The following ST8SIA3 variants were observed in gnomAD, a reference collection of about 807,000 sequenced individuals.
The protein encoded by ST8SIA3 is ST8 alpha-N-acetyl-neuraminide alpha-2,8-sialyltransferase 3, also known as alpha-N-acetylneuraminate alpha-2,8-sialyltransferase ST8SIA3.
ST8SIA3 carries 17 observed loss-of-function variants against 34.5 expected under a neutral mutation model. The observed-to-expected ratio is 0.49, with a 90% CI of 0.34 to 0.74. ST8SIA3 has a LOEUF of 0.74. ST8SIA3 is among the 30% of genes least tolerant of loss of function. The pLI, the probability that ST8SIA3 is intolerant of heterozygous loss-of-function variation, is 0.01. For synonymous variants in ST8SIA3, 172 were observed against 176.1 expected, an observed-to-expected ratio of 0.98 and a Z score of 0.19; for missense variants, 354 against 467.8, an observed-to-expected ratio of 0.76 and a Z score of 2.24.
chr18:57,354,470 T>G lies in ST8SIA3; in HGVS notation c.248T>G (p.Leu83Arg). ...VPITNSLTQE[L>R]QEKPSKWKFN... is the part of the protein sequence containing the mutation. ...ATTACGAATTCTCTCACCCAGGAAC[T>G]CCAAGAGAAACCTTCTAAGTGGAAA... Residue 83 changes from leucine to arginine, a missense_variant, in exon 2 of 4, where the codon CTC becomes CGC. By Grantham distance (102) the Leu-to-Arg change is moderately radical (BLOSUM62 -2). This residue lies in a region of ST8SIA3 where 184 missense variants were observed against 205.4 expected (regional missense o/e 0.90). Transcript: ENST00000324000. The G allele has an allele frequency of 6.2e-7, 1 of 1,614,156 alleles. No individual in the cohort carries two copies. The highest frequency in any genetic ancestry group is 8.5e-7 in the Non-Finnish European group (1 of 1,180,028).
chr18:57,364,511 T>C lies in ST8SIA3; in HGVS notation c.*4234T>C, dbSNP rs977407377. 6.6e-6 allele frequency: 1 copy of C among 152,192 alleles called. No homozygotes were observed. Among genetic ancestry groups the C allele is most frequent in the Non-Finnish European group, 1.5e-5 (1 of 68,034 alleles). 9.4% of individuals were successfully genotyped at this position (152,192 alleles called of 1,614,324 possible). On this transcript the variant is annotated 3_prime_UTR_variant, in exon 4 of 4. Coordinates refer to ENST00000324000, the MANE Select transcript of ST8SIA3 (RefSeq NM_015879.3). ...GTATAATTCTAGATTCTTAAAACCT[T>C]TTTTCCCATAATTGTTTGAATGCAC...
chr18:57,353,120 C>T lies in ST8SIA3; in HGVS notation c.179+95C>T. Reference sequence around the variant, plus strand: ...TGGGGGAGGGGTGTTTTGGCCTCTCCGAGACTCTTTGGGCCAGATAACTGC... The same window carrying T: ...TGGGGGAGGGGTGTTTTGGCCTCTCTGAGACTCTTTGGGCCAGATAACTGC... On this transcript the variant is annotated intron_variant, in intron 1 of 3. Coordinates refer to ENST00000324000, the MANE Select transcript of ST8SIA3 (RefSeq NM_015879.3). 3.8e-6 allele frequency: 5 copies of T among 1,308,238 alleles called. No individual in the cohort carries two copies. The South Asian group carries it at 5.3e-5, about 14-fold the overall frequency. The allele number at this position is 1,308,238 out of a possible 1,614,324, so 81.0% of individuals were successfully genotyped here.
rs1213763934 is a variant in ST8SIA3, at chr18:57,363,709, G to A, written c.*3432G>A. On this transcript the variant is annotated 3_prime_UTR_variant, in exon 4 of 4. Transcript: ENST00000324000. ...AGGCACTAATTATTAGACACTCTCA[G>A]ACAACAAAGCGGTATTGACCTGAGA... The A allele has an allele frequency of 6.6e-6, 1 of 152,234 alleles. No individual in the cohort carries two copies. The highest frequency in any genetic ancestry group is 2.4e-5 in the African/African-American group (1 of 41,464). 9.4% of individuals were successfully genotyped at this position (152,234 alleles called of 1,614,324 possible).
Position 57,357,423 on chromosome 18 carries a change from A to G in ST8SIA3, c.813A>G (p.Leu271=). 6.2e-7 allele frequency: 1 copy of G among 1,612,906 alleles called. No individual in the cohort carries two copies. The highest frequency in any genetic ancestry group is 8.5e-7 in the Non-Finnish European group (1 of 1,179,908). Residue 271 remains leucine (L), a synonymous_variant, in exon 3 of 4, where the codon TTA becomes TTG. Transcript: ENST00000324000. ...VDFFVEHRGQ[L]KVQLAWPGNI... is the part of the protein sequence containing the mutation. ...TTTTTGTTGAACACAGAGGTCAGTT[A>G]AAAGTCCAACTGGCTTGGCCGGGAA...
At chr18:57,358,923 A>G (rs1217264441) in intron 3 of ST8SIA3, among the ~76,000 whole-genome samples, 1 of 152,238 alleles carries the variant, frequency 6.6e-6, no homozygotes, top group Non-Finnish European at 1.5e-5. Flanking sequence ...AGACAGGAAT[A>G]GTAAAACCAA....
Position 57,357,246 on chromosome 18 carries a change from C to A in ST8SIA3, c.636C>A (p.Pro212=), listed in dbSNP as rs1394871778. ...AAACCAATCTTACCACCTTCAACCCCAGCATCCTGGAAAAATATTACAACA... is the reference window on the plus strand; with the variant it reads ...AAACCAATCTTACCACCTTCAACCCAAGCATCCTGGAAAAATATTACAACA... ...GRKTNLTTFN[P]SILEKYYNNL... Residue 212 remains proline (P), a synonymous_variant, in exon 3 of 4, where the codon CCC becomes CCA. Transcript: ENST00000324000. 6.2e-7 allele frequency: 1 copy of A among 1,614,156 alleles called. No individual in the cohort carries two copies. The highest frequency in any genetic ancestry group is 1.7e-5 in the Admixed American group (1 of 60,026).
rs59006823 is a variant in ST8SIA3 at position 57,352,732 on chromosome 18, TCACACACACACACACACACACACA to T, written c.-100_-77del. The T allele has an allele frequency of 1.8e-5, 7 of 390,484 alleles. No homozygotes were observed. Among genetic ancestry groups the T allele is most frequent in the African/African-American group, 1.3e-4 (5 of 38,440 alleles). The allele number at this position is 390,484 out of a possible 1,614,324, so 24.2% of individuals were successfully genotyped here. ...CCTCCTCCGCCACACGCGCGCGCGCTCACACACACACACACACACACACACACACACACACACATATATACACGC... is the reference window on the plus strand; with the variant it reads ...CCTCCTCCGCCACACGCGCGCGCGCTCACACACACACACATATATACACGC... On this transcript the variant is annotated 5_prime_UTR_variant, in exon 1 of 4. Transcript: ENST00000324000.
chr18:57,365,209 A>G lies in ST8SIA3; in HGVS notation c.*4932A>G, dbSNP rs2144212375. 6.6e-6 allele frequency: 1 copy of G among 152,324 alleles called. No homozygotes were observed. The highest frequency in any genetic ancestry group is 2.4e-5 in the African/African-American group (1 of 41,560). The allele number at this position is 152,324 out of a possible 1,614,324, so 9.4% of individuals were successfully genotyped here. On this transcript the variant is annotated 3_prime_UTR_variant, in exon 4 of 4. Transcript: ENST00000324000. ...TGACCACCATTTGGAAACCAGTAAT[A>G]TATACATCCGGAGTCATATATACCA...
rs2144214264 is a variant in ST8SIA3 at position 57,366,608 on chromosome 18, G to A, written c.*6331G>A. ...GAGCAGGGGAAGAACAAGGCACCCA[G>A]TAAGCTCACTTGGCTCTACATATCT... is the stretch of plus-strand genomic sequence containing the variant. On this transcript the variant is annotated 3_prime_UTR_variant, in exon 4 of 4. Transcript: ENST00000324000. 1 of 152,336 alleles carries A rather than the reference G, an allele frequency of 6.6e-6. No homozygotes were observed. The highest frequency in any genetic ancestry group is 2.4e-5 in the African/African-American group (1 of 41,574). The allele number at this position is 152,336 out of a possible 1,614,324, so 9.4% of individuals were successfully genotyped here.
In ST8SIA3 at chr18:57,352,732, T is replaced by TCA. The variant is rs59006823; in HGVS notation, c.-78_-77dup. ...CCTCCTCCGCCACACGCGCGCGCGC[T>TCA]CACACACACACACACACACACACAC... On this transcript the variant is annotated 5_prime_UTR_variant, in exon 1 of 4. Transcript: ENST00000324000. The TCA allele has an allele frequency of 0.13, 51,183 of 385,218 alleles. 1,050 individuals carry two copies. The highest frequency in any genetic ancestry group is 0.16 in the Middle Eastern group (281 of 1,790). The allele number at this position is 385,218 out of a possible 1,614,324, so 23.9% of individuals were successfully genotyped here.
chr18:57,357,686 G>A (rs190258895), intron 3 of ST8SIA3, among the ~76,000 whole-genome samples: 1 of 152,292 alleles, frequency 6.6e-6, no homozygotes, highest in Non-Finnish European at 1.5e-5. Context: ...TCAGATGGAA[G>A]GATTGGGGCT....
rs997059803 is a variant in ST8SIA3 at position 57,368,024 on chromosome 18, A to G, written c.*7747A>G. 1 of 152,544 alleles carries G rather than the reference A, an allele frequency of 6.6e-6. No homozygotes were observed. Among genetic ancestry groups the G allele is most frequent in the African/African-American group, 2.4e-5 (1 of 41,462 alleles). 9.4% of individuals were successfully genotyped at this position (152,544 alleles called of 1,614,324 possible). ...GATCTAGATGTTATCTCAAGTCAGG[A>G]TTCCAGATCAACATCCTCCATGTGG... On this transcript the variant is annotated 3_prime_UTR_variant, in exon 4 of 4. Coordinates refer to ENST00000324000, the MANE Select transcript of ST8SIA3 (RefSeq NM_015879.3).
Position 57,362,422 on chromosome 18 carries a change from G to T in ST8SIA3, c.*2145G>T, listed in dbSNP as rs886499565. 6.6e-6 allele frequency: 1 copy of T among 152,164 alleles called. No homozygotes were observed. The highest frequency in any genetic ancestry group is 2.4e-5 in the African/African-American group (1 of 41,442). The allele number at this position is 152,164 out of a possible 1,614,324, so 9.4% of individuals were successfully genotyped here. A position where few individuals can be genotyped will look rare whatever the true frequency, so the allele number is the denominator to read the frequency against. On this transcript the variant is annotated 3_prime_UTR_variant, in exon 4 of 4. Coordinates refer to ENST00000324000, the MANE Select transcript of ST8SIA3 (RefSeq NM_015879.3). ...CATTTTCACTAAATATAAATGCATAGACACTTTAAACCAAGAAGATTAAAA... is the reference window on the plus strand; with the variant it reads ...CATTTTCACTAAATATAAATGCATATACACTTTAAACCAAGAAGATTAAAA...
rs1464955819 is a variant in ST8SIA3 at position 57,364,919 on chromosome 18, T to C, written c.*4642T>C. The C allele has an allele frequency of 6.6e-6, 1 of 152,328 alleles. No individual in the cohort carries two copies. The highest frequency in any genetic ancestry group is 1.5e-5 in the Non-Finnish European group (1 of 68,044). 9.4% of individuals were successfully genotyped at this position (152,328 alleles called of 1,614,324 possible). A position where few individuals can be genotyped will look rare whatever the true frequency, so the allele number is the denominator to read the frequency against. ...CTGATTGAAGACATATGTGTATGAA[T>C]AGATGTTCCTCAGTGAAGCCTATTC... On this transcript the variant is annotated 3_prime_UTR_variant, in exon 4 of 4. Transcript: ENST00000324000.
chr18:57,363,843 C>T lies in ST8SIA3; in HGVS notation c.*3566C>T, dbSNP rs1322555715. ...CTTTACAAATGAGAAAATGGAGAAA[C>T]AGGGAGGCTAGGTGATTTGCCCCAG... On this transcript the variant is annotated 3_prime_UTR_variant, in exon 4 of 4. Transcript: ENST00000324000. 1.3e-5 allele frequency: 2 copies of T among 152,198 alleles called. No homozygotes were observed. The highest frequency in any genetic ancestry group is 6.5e-5 in the Admixed American group (1 of 15,276). The allele number at this position is 152,198 out of a possible 1,614,324, so 9.4% of individuals were successfully genotyped here. A position where few individuals can be genotyped will look rare whatever the true frequency, so the allele number is the denominator to read the frequency against.
Position 57,367,635 on chromosome 18 carries a change from G to A in ST8SIA3, c.*7358G>A, listed in dbSNP as rs1003598881. 6.6e-6 allele frequency: 1 copy of A among 152,310 alleles called. No homozygotes were observed. The highest frequency in any genetic ancestry group is 2.4e-5 in the African/African-American group (1 of 41,444). 9.4% of individuals were successfully genotyped at this position (152,310 alleles called of 1,614,324 possible). A position where few individuals can be genotyped will look rare whatever the true frequency, so the allele number is the denominator to read the frequency against. The stretch of plus-strand genomic sequence containing the variant: ...AAAATTGGCAGACAATGGGAAAGAG[G>A]TTTGGTCAACCTGCATAAGTGGAAT... On this transcript the variant is annotated 3_prime_UTR_variant, in exon 4 of 4. Coordinates refer to ENST00000324000, the MANE Select transcript of ST8SIA3 (RefSeq NM_015879.3).
In ST8SIA3 at chr18:57,352,884, T is replaced by TGG. The variant is rs2049772848; in HGVS notation, c.41_42dup (p.Leu15GlyfsTer10). On this transcript the variant is annotated frameshift_variant, in exon 1 of 4. Transcript: ENST00000324000. LOFTEE classifies it high-confidence loss of function. ...AAAATGGCCCGGGTCGCCAGTGTGC[T>TGG]GGGGCTGGTCATGCTCAGCGTCGCC... The TGG allele has an allele frequency of 6.2e-7, 1 of 1,613,756 alleles. No homozygotes were observed. The highest frequency in any genetic ancestry group is 1.7e-5 in the Admixed American group (1 of 60,000).
chr18:57,354,026 A>G (rs538925218), intron 1 of ST8SIA3, among the ~76,000 whole-genome samples: 2 of 152,260 alleles, frequency 1.3e-5, no homozygotes, highest in South Asian at 2.1e-4. Context: ...TCCAAAAACA[A>G]TTCTATGGGG....
rs898712360 is a variant in ST8SIA3, at chr18:57,364,379, C to T, written c.*4102C>T. 1.3e-5 allele frequency: 2 copies of T among 152,190 alleles called. No individual in the cohort carries two copies. The highest frequency in any genetic ancestry group is 3.8e-4 in the East Asian group (2 of 5,200). 9.4% of individuals were successfully genotyped at this position (152,190 alleles called of 1,614,324 possible). On this transcript the variant is annotated 3_prime_UTR_variant, in exon 4 of 4. Transcript: ENST00000324000. ...CCTTCTATTTTATAGGTAATCTCAA[C>T]AGCAGACTTTGAAATATTGTGTTTG... is the stretch of plus-strand genomic sequence containing the variant.
Sources: allele counts gnomAD v4.1 joint callset (sites outside exome capture counted in the v4.1 genomes callset), GRCh38; gene constraint gnomAD v4.1.1; regional missense constraint gnomAD v4.1.1; transcripts MANE v1.5; gene names NCBI Gene and HGNC (gene_info 2026-07-23, HGNC 2026-07-21).